The following TM7SF3 variants were observed in gnomAD, a reference collection of about 807,000 sequenced individuals.
TM7SF3 encodes seven span transmembrane protein.
In TM7SF3, 60 loss-of-function variants were observed where a neutral mutation model predicts 65.5. That is an observed-to-expected ratio of 0.92 (90% CI 0.74 to 1.14). The LOEUF is 1.14. Ranked by LOEUF, TM7SF3 falls within the 50% of genes most tolerant of loss-of-function variation. TM7SF3 has a pLI of 0.00. For synonymous variants in TM7SF3, 264 were observed against 259.6 expected (o/e 1.02, Z -0.16); for missense variants, 623 against 684.8 (o/e 0.91, Z 1.01).
intron 6 of TM7SF3, among the ~76,000 whole-genome samples, chr12:26,989,465 G>A (rs10082734): frequency 0.77 from 116,478 of 151,862 alleles, 44,920 homozygotes; most frequent in East Asian, 1. Flanking sequence ...TTATACACAG[G>A]TTTTCAACTG....
At chr12:27,013,137 T>C (rs1941314696) in intron 1 of TM7SF3, 1 of 171,612 alleles carries the variant, frequency 5.8e-6, no homozygotes, top group Non-Finnish European at 1.3e-5. Flanking sequence ...TTTTTCTCAT[T>C]TTAGTTTTAC....
chr12:26,981,536 A>G (rs1335509167), intron 7 of TM7SF3, among the ~76,000 whole-genome samples: 1 of 152,098 alleles, frequency 6.6e-6, no homozygotes, highest in Non-Finnish European at 1.5e-5. Context: ...AAAGCTAGTG[A>G]TAACTTTGAG....
intron 1 of TM7SF3, among the ~76,000 whole-genome samples, chr12:27,004,047 A>C (rs1183179941): frequency 3.9e-5 from 6 of 152,194 alleles, no homozygotes; most frequent in Non-Finnish European, 8.8e-5. Context: ...TTAAGGATCA[A>C]ACTGAGTCCA....
At chr12:26,980,409 AGTTCAGAAAAGGT>A in intron 8 of TM7SF3, 144 bp downstream of exon 8, 1 of 615,282 alleles carries the variant, frequency 1.6e-6, no homozygotes, top group Admixed American at 3.4e-5. Flanking sequence ...CTGAATGAGT[AGTTCAGAAAAGGT>A]GTTCAGAGAC....
In TM7SF3 at chr12:27,003,368, C is replaced by T; in HGVS notation, c.114G>A (p.Gly38=). The change falls in exon 2 of 12, where the codon GGG becomes GGA. Residue 38 remains glycine, a synonymous_variant. Transcript: ENST00000343028. ...SSEGLIEFSV[G]KFRYFELNRP... is the part of the protein sequence containing the mutation. The stretch of plus-strand genomic sequence containing the variant: ...TATTGAGCTCGAAGTATCTAAATTT[C>T]CCCACAGAAAATTCAATAAGACCTA... The T allele has an allele frequency of 6.2e-7, 1 of 1,612,012 alleles. No homozygotes were observed. Among genetic ancestry groups the T allele is most frequent in the East Asian group, 2.2e-5 (1 of 44,842 alleles).
chr12:27,000,802 A>G (rs970964570), intron 2 of TM7SF3, among the ~76,000 whole-genome samples: 3 of 152,120 alleles, frequency 2.0e-5, no homozygotes, highest in South Asian at 2.1e-4. Context: ...CACCTGTGAA[A>G]CCATTACCAC....
At position 26,979,777 on chromosome 12, in the gene TM7SF3, C is replaced by A. The variant is rs1431912987; in HGVS notation, c.1189+7G>T. ...AACACACAAAACATCTGTTACATAT[C>A]GCCTACCCAGTGGAGTAAAGAAAGT... On this transcript the variant is annotated splice_region_variant and intron_variant, in intron 9 of 11. Coordinates refer to ENST00000343028, the MANE Select transcript of TM7SF3 (RefSeq NM_016551.3). 1 of 1,613,626 alleles carries A rather than the reference C, an allele frequency of 6.2e-7. No individual in the cohort carries two copies. The highest frequency in any genetic ancestry group is 8.5e-7 in the Non-Finnish European group (1 of 1,179,786).
At position 26,995,418 on chromosome 12, in the gene TM7SF3, A is replaced by G. The variant is rs1940551310; in HGVS notation, c.519-10T>C. 7 of 1,613,896 alleles carry G rather than the reference A, an allele frequency of 4.3e-6. No homozygotes were observed. In the African/African-American group the frequency reaches 9.3e-5, roughly 22 times the overall value. On this transcript the variant is annotated splice_polypyrimidine_tract_variant and intron_variant, in intron 4 of 11. Coordinates refer to ENST00000343028, the MANE Select transcript of TM7SF3 (RefSeq NM_016551.3). ...TGGGGGATCTACGCCTCTAAAGTCA[A>G]CCAACAAAATGAAACATCAGTCTCT...
chr12:27,002,534 A>T lies in TM7SF3; in HGVS notation c.246+702T>A, dbSNP rs972576073. ...ATTATAATATAGGCTTAGGACAAATAAAAAGAAGTATAACTTCATACAAGG... is the reference window on the plus strand; with the variant it reads ...ATTATAATATAGGCTTAGGACAAATTAAAAGAAGTATAACTTCATACAAGG... On this transcript the variant is annotated intron_variant, in intron 2 of 11. Coordinates refer to ENST00000343028, the MANE Select transcript of TM7SF3 (RefSeq NM_016551.3). Among the ~76,000 whole-genome samples the T allele has an allele frequency of 1.4e-4, 21 of 152,232 alleles. 1 individual carries two copies. The highest frequency in any genetic ancestry group is 1.5e-5 in the Non-Finnish European group (1 of 68,042).
intron 3 of TM7SF3, among the ~76,000 whole-genome samples, chr12:26,997,430 T>C (rs1479207743): frequency 2.0e-5 from 3 of 152,330 alleles, no homozygotes; most frequent in East Asian, 1.9e-4. Flanking sequence ...TCTGCACTTA[T>C]GGATCTTTAC....
rs868852528 is a variant in TM7SF3, at chr12:26,990,490, A to G, written c.828T>C (p.Ala276=). 1.8e-5 allele frequency: 29 copies of G among 1,614,072 alleles called. 1 individual carries two copies. The Middle Eastern group carries it at 4.8e-3, about 267-fold the overall frequency. The change falls in exon 6 of 12, where the codon GCT becomes GCC. Residue 276 remains alanine, a synonymous_variant. Coordinates refer to ENST00000343028, the MANE Select transcript of TM7SF3 (RefSeq NM_016551.3). ...SAAYIPAHTY[A]CSFEAGEGSC... ...TACCCTCTCCTGCCTCAAAGCTGCA[A>G]GCGTATGTGTGAGCAGGAATGTAGG...
At chr12:26,992,994 C>T (rs192736690) in intron 5 of TM7SF3, among the ~76,000 whole-genome samples, 18 of 145,156 alleles carry the variant, frequency 1.2e-4, no homozygotes, top group African/African-American at 4.6e-4. Flanking sequence ...ACTGCAACTT[C>T]TCCCAGGCTC....
chr12:26,983,517 G>A (rs1482039198), intron 6 of TM7SF3: 3 of 454,318 alleles, frequency 6.6e-6, no homozygotes, highest in East Asian at 1.4e-4. Flanking sequence ...GTAACATGAT[G>A]ACCAGGGATT....
chr12:26,996,943 C>T (rs747139393), intron 3 of TM7SF3, 81 bp from the exon 4 acceptor site: 20 of 1,451,070 alleles, frequency 1.4e-5, no homozygotes, highest in Admixed American at 2.6e-5. Context: ...ACTCTATCTA[C>T]TCTTACAAAA....
At chr12:27,002,117 G>A (rs74532550) in intron 2 of TM7SF3, among the ~76,000 whole-genome samples, 11,979 of 152,108 alleles carry the variant, frequency 0.079, 655 homozygotes, top group Non-Finnish European at 0.12. Context: ...AAAGAAGGCA[G>A]GAATAAAAAT....
At chr12:27,011,231 C>G (rs1199830302) in intron 1 of TM7SF3, among the ~76,000 whole-genome samples, 1 of 152,188 alleles carries the variant, frequency 6.6e-6, no homozygotes, top group African/African-American at 2.4e-5. Context: ...GAACAGCCTG[C>G]TACCTTGGTA....
chr12:26,984,064 C>G (rs1939934243), intron 6 of TM7SF3, among the ~76,000 whole-genome samples: 2 of 152,188 alleles, frequency 1.3e-5, no homozygotes, highest in African/African-American at 4.8e-5. Flanking sequence ...GAAACACAGA[C>G]AGAAGAGCAG....
chr12:26,979,902 G>A lies in TM7SF3; in HGVS notation c.1071C>T (p.Val357=), dbSNP rs371973062. The A allele has an allele frequency of 3.7e-6, 6 of 1,613,980 alleles. No homozygotes were observed. Among genetic ancestry groups the A allele is most frequent in the Admixed American group, 3.3e-5 (2 of 59,988 alleles). ...ACACAGCTACCAAGAACATTCCACC[G>A]ACGCTTCCAGTGACAGCTGTCAGAA... is the stretch of plus-strand genomic sequence containing the variant. ...NLILTAVTGS[V]GGMFLVAVWW... Residue 357 remains valine, a synonymous_variant, in exon 9 of 12, where the codon GTC becomes GTT. Transcript: ENST00000343028.
At chr12:26,995,748 T>C (rs1199205463) in intron 4 of TM7SF3, among the ~76,000 whole-genome samples, 1 of 152,200 alleles carries the variant, frequency 6.6e-6, no homozygotes, top group Non-Finnish European at 1.5e-5. Flanking sequence ...TCTAGCCTTC[T>C]TTCTGTCATG....
Sources: gnomAD v4.1 joint callset for allele counts (sites outside exome capture counted in the v4.1 genomes callset) on GRCh38, gnomAD v4.1.1 for gene constraint, MANE v1.5 for transcripts, NCBI Gene and HGNC (gene_info 2026-07-23, HGNC 2026-07-21) for gene names.